NWD2: variants seen among roughly 807,000 people sequenced by gnomAD.
The protein encoded by NWD2 is NACHT and WD repeat domain-containing protein 2.
Under a neutral mutation model 132.7 loss-of-function variants are expected in NWD2, and 37 were observed. The observed-to-expected ratio is 0.28, with a 90% CI of 0.21 to 0.37. The LOEUF is 0.37. Ranked by LOEUF, NWD2 falls within the 10% of genes least tolerant of loss-of-function variation. NWD2 has a pLI of 1.00. For synonymous variants in NWD2, 705 were observed against 803.0 expected (o/e 0.88, Z 2.06); for missense variants, 1,592 against 2,122.4 (o/e 0.75, Z 4.91).
At chr4:37,428,885 C>G (rs566219543) in intron 3 of NWD2, among the ~76,000 whole-genome samples, 2 of 152,162 alleles carry the variant, frequency 1.3e-5, no homozygotes, top group Non-Finnish European at 2.9e-5. Flanking sequence ...GCACACACCA[C>G]CATGCCTGGC....
At chr4:37,310,548 T>G (rs955735828) in intron 1 of NWD2, among the ~76,000 whole-genome samples, 2 of 148,726 alleles carry the variant, frequency 1.3e-5, no homozygotes, top group Non-Finnish European at 3.0e-5. Flanking sequence ...AAATATTGAA[T>G]AGAAGTTTTG....
intron 3 of NWD2, among the ~76,000 whole-genome samples, chr4:37,394,205 T>C (rs1032800980): frequency 6.6e-6 from 1 of 152,258 alleles, no homozygotes; most frequent in Non-Finnish European, 1.5e-5. Flanking sequence ...CTCATTGTTA[T>C]CTGTCTAGCA....
rs573001872 is a variant in NWD2 at position 37,289,880 on chromosome 4, G to A, written c.152-36056G>A. Among the ~76,000 whole-genome samples the A allele has an allele frequency of 5.1e-5, 7 of 138,398 alleles. No individual in the cohort carries two copies. In the East Asian group the frequency reaches 9.7e-4, roughly 19 times the overall value. 90.8% of individuals were successfully genotyped at this position (138,398 alleles called of 152,430 possible). On this transcript the variant is annotated intron_variant, in intron 1 of 6. Transcript: ENST00000309447. The stretch of plus-strand genomic sequence containing the variant: ...ATTAGTTTCAGGCAACCAGTTATCA[G>A]CAAAGGCTTTTTTTTTCCGGAGTTG...
chr4:37,409,951 A>G (rs1176411716), intron 3 of NWD2, among the ~76,000 whole-genome samples: 1 of 152,232 alleles, frequency 6.6e-6, no homozygotes, highest in Non-Finnish European at 1.5e-5. Context: ...CACACAAGCA[A>G]ATGCTGAGAG....
intron 3 of NWD2, among the ~76,000 whole-genome samples, chr4:37,376,251 G>A (rs1204614599): frequency 3.9e-5 from 6 of 152,134 alleles, no homozygotes; most frequent in Admixed American, 2.0e-4. Flanking sequence ...GAGAAAATGA[G>A]AATGTCCATC....
intron 3 of NWD2, among the ~76,000 whole-genome samples, chr4:37,394,344 A>C (rs910645209): frequency 3.3e-5 from 5 of 152,266 alleles, no homozygotes; most frequent in African/African-American, 2.4e-5. Context: ...TAATGAAATT[A>C]GTTCATGCCA....
chr4:37,445,545 G>A lies in NWD2; in HGVS notation c.3557G>A (p.Arg1186Gln), dbSNP rs759151017. The part of the protein sequence containing the change: ...SPQLTDDFDC[R>Q]REDSEVVSIE... ...CAGCTGACTGATGACTTTGATTGCCGAAGAGAAGACAGTGAGGTGGTCAGC... is the reference window on the plus strand; with the variant it reads ...CAGCTGACTGATGACTTTGATTGCCAAAGAGAAGACAGTGAGGTGGTCAGC... The change falls in exon 7 of 7, where the codon CGA (arginine) becomes CAA (glutamine). Residue 1186 changes from arginine to glutamine, a missense_variant. Around this residue, in one of 7 missense-constraint regions of NWD2, gnomAD observed 1,071 missense variants for 1,398.0 expected, o/e 0.77. Coordinates refer to ENST00000309447, the MANE Select transcript of NWD2 (RefSeq NM_001144990.2). The surrounding 1 kb of genome is among the most constrained non-coding windows in gnomAD (Gnocchi z 4.7). The A allele has an allele frequency of 3.0e-5, 47 of 1,551,982 alleles. No homozygotes were observed. Among genetic ancestry groups the A allele is most frequent in the African/African-American group, 8.2e-5 (6 of 73,042 alleles).
intron 3 of NWD2, among the ~76,000 whole-genome samples, chr4:37,361,478 T>C (rs1160504846): frequency 1.3e-5 from 2 of 152,064 alleles, no homozygotes; most frequent in Non-Finnish European, 2.9e-5. Context: ...CATCAAAAAG[T>C]TAAGTCACCA....
At chr4:37,434,098 C>A in intron 5 of NWD2, 78 bp downstream of exon 5, 1 of 843,366 alleles carries the variant, frequency 1.2e-6, no homozygotes, top group Non-Finnish European at 1.7e-6. Flanking sequence ...TAATGCCCTG[C>A]AAATTTAATC....
chr4:37,414,603 A>G (rs991153482), intron 3 of NWD2, among the ~76,000 whole-genome samples: 1 of 152,220 alleles, frequency 6.6e-6, no homozygotes, highest in African/African-American at 2.4e-5. Context: ...GTACACTTCT[A>G]TAAAAGCTGG....
At position 37,331,486 on chromosome 4, in the gene NWD2, A is replaced by G. The variant is rs55749010; in HGVS notation, c.240+5462A>G. Among the ~76,000 whole-genome samples, 11 of 77,124 alleles carry G rather than the reference A, an allele frequency of 1.4e-4. 2 individuals are homozygous for G. The highest frequency in any genetic ancestry group is 2.6e-4 in the Admixed American group (2 of 7,584). The allele number at this position is 77,124 out of a possible 152,430, so 50.6% of individuals were successfully genotyped here. A position where few individuals can be genotyped will look rare whatever the true frequency, so the allele number is the denominator to read the frequency against. Reference sequence around the variant, plus strand: ...ATCATCACCCTACTTGAGTATTTCTATACAATACCACCAGAATCATCACCC... The same window carrying G: ...ATCATCACCCTACTTGAGTATTTCTGTACAATACCACCAGAATCATCACCC... On this transcript the variant is annotated intron_variant, in intron 2 of 6. Transcript: ENST00000309447.
chr4:37,316,372 T>C (rs749096641), intron 1 of NWD2, among the ~76,000 whole-genome samples: 1 of 152,128 alleles, frequency 6.6e-6, no homozygotes, highest in Admixed American at 6.5e-5. Flanking sequence ...GCTGTTCCCT[T>C]ATATGTGATA....
At chr4:37,261,261 T>C (rs1261123142) in intron 1 of NWD2, among the ~76,000 whole-genome samples, 2 of 152,144 alleles carry the variant, frequency 1.3e-5, no homozygotes, top group African/African-American at 4.8e-5. Context: ...CAAAGGCTCA[T>C]CTGCTGGCGG....
chr4:37,248,558 T>C (rs1437066833), intron 1 of NWD2, among the ~76,000 whole-genome samples: 2 of 152,176 alleles, frequency 1.3e-5, no homozygotes, highest in Admixed American at 6.5e-5. Context: ...TCCTTGGAAG[T>C]TTTCTAGTCA....
chr4:37,309,698 G>A (rs952673138), intron 1 of NWD2, among the ~76,000 whole-genome samples: 1 of 152,144 alleles, frequency 6.6e-6, no homozygotes, highest in African/African-American at 2.4e-5. Flanking sequence ...GGTGTCTGTG[G>A]TGGGAATGTG....
At chr4:37,246,265 G>C (rs1296037593) in intron 1 of NWD2, among the ~76,000 whole-genome samples, 1 of 152,168 alleles carries the variant, frequency 6.6e-6, no homozygotes, top group South Asian at 2.1e-4. Flanking sequence ...AAAACCCAAG[G>C]TTCTGGTTTC....
intron 1 of NWD2, among the ~76,000 whole-genome samples, chr4:37,269,150 A>T (rs1193555255): frequency 2.6e-5 from 4 of 151,892 alleles, no homozygotes; most frequent in Non-Finnish European, 5.9e-5. Flanking sequence ...TGTTTTGTTT[A>T]CATTAAAGAA....
intron 2 of NWD2, among the ~76,000 whole-genome samples, chr4:37,340,123 C>A (rs1486930390): frequency 6.6e-6 from 1 of 152,070 alleles, no homozygotes; most frequent in Non-Finnish European, 1.5e-5. Flanking sequence ...AATTAACATA[C>A]CTCAGTTTTC....
At position 37,310,581 on chromosome 4, in the gene NWD2, T is replaced by C. The variant is rs562661707; in HGVS notation, c.152-15355T>C. 3.9e-3 allele frequency among the ~76,000 whole-genome samples: 160 copies of C among 40,666 alleles called. 2 individuals are homozygous for C. The highest frequency in any genetic ancestry group is 0.036 in the African/African-American group (156 of 4,382). 26.7% of individuals were successfully genotyped at this position (40,666 alleles called of 152,430 possible). On this transcript the variant is annotated intron_variant, in intron 1 of 6. Coordinates refer to ENST00000309447, the MANE Select transcript of NWD2 (RefSeq NM_001144990.2). ...TTGAGGAGGTGTTCTTAGTTGTAGG[T>C]GGAAAACATTTGCCTAATATCTTGA...
Sources: allele counts gnomAD v4.1 joint callset (sites outside exome capture counted in the v4.1 genomes callset), GRCh38; gene constraint gnomAD v4.1.1; regional missense constraint gnomAD v4.1.1; non-coding constraint Gnocchi (gnomAD v3.1); transcripts MANE v1.5; gene names NCBI Gene and HGNC (gene_info 2026-07-23, HGNC 2026-07-21).